Variants in CELF2 observed in about 807,000 individuals in gnomAD.
The protein encoded by CELF2 is CUGBP Elav-like family member 2, also known as CUG triplet repeat RNA-binding protein 2.
A neutral mutation model predicts 62.6 loss-of-function variants in CELF2; 8 were observed. The ratio of observed to expected loss-of-function variants is 0.13; its 90% CI spans 0.07 to 0.23. The LOEUF (loss-of-function observed/expected upper bound fraction) is 0.23, where lower values mean the gene tolerates loss of function less well. CELF2 is among the 10% of genes least tolerant of loss of function. The pLI is 1.00. For missense variants in CELF2, 333 were observed against 671.0 expected, an observed-to-expected ratio of 0.50 and a Z score of 5.56; for synonymous variants, 258 against 250.0, an observed-to-expected ratio of 1.03 and a Z score of -0.30.
chr10:10,551,345 G>A, the CELF2 span, among the ~76,000 whole-genome samples: 15 of 152,192 alleles, frequency 9.9e-5, no homozygotes, highest in South Asian at 2.3e-3. Flanking sequence ...GGTGTACCCC[G>A]GGGAGGAGAG....
At chr10:11,099,188 T>TA (rs1041430725) in intron 1 of CELF2, among the ~76,000 whole-genome samples, 4 of 152,224 alleles carry the variant, frequency 2.6e-5, no homozygotes, top group Non-Finnish European at 4.4e-5. Context: ...AATGTACTCT[T>TA]AGAATACCTA....
chr10:11,248,286 C>T (rs539974062), intron 3 of CELF2, among the ~76,000 whole-genome samples: 7 of 152,214 alleles, frequency 4.6e-5, no homozygotes, highest in African/African-American at 9.6e-5. Context: ...GACCAGGCAC[C>T]GGGTGTGATG....
chr10:11,205,098 C>T (rs1217229427), intron 2 of CELF2, among the ~76,000 whole-genome samples: 2 of 152,150 alleles, frequency 1.3e-5, no homozygotes, highest in African/African-American at 4.8e-5. Context: ...TTAGAGGTCA[C>T]GTAAATGGAT....
intron 2 of CELF2, among the ~76,000 whole-genome samples, chr10:10,996,335 C>T (rs1180322813): frequency 6.6e-6 from 1 of 152,190 alleles, no homozygotes; most frequent in Non-Finnish European, 1.5e-5. Context: ...AATAGCAGAG[C>T]ACTTATGATT....
chr10:10,699,465 T>C, the CELF2 span, among the ~76,000 whole-genome samples: 1 of 152,234 alleles, frequency 6.6e-6, no homozygotes, highest in South Asian at 2.1e-4. Flanking sequence ...TAGCAAATTA[T>C]TGCAAATTGT....
At chr10:11,054,414 A>G (rs1243538829) in intron 1 of CELF2, among the ~76,000 whole-genome samples, 1 of 152,124 alleles carries the variant, frequency 6.6e-6, no homozygotes, top group East Asian at 1.9e-4. Context: ...TTATTTTGGC[A>G]AGGATATTTT....
chr10:11,301,445 C>T (rs1424266321), intron 9 of CELF2, among the ~76,000 whole-genome samples: 1 of 71,696 alleles, frequency 1.4e-5, no homozygotes, highest in African/African-American at 5.8e-5. Context: ...CCCCCCGCCA[C>T]TCCCGCTCCC....
intron 2 of CELF2, among the ~76,000 whole-genome samples, chr10:11,197,001 G>GGAGAAAGA (rs1387577194): frequency 5.5e-5 from 1 of 18,326 alleles, no homozygotes; most frequent in East Asian, 2.6e-3. Flanking sequence ...AAGGAAGGAA[G>GGAGAAAGA]GAGAAAGAAA....
chr10:10,781,093 T>A, the CELF2 span, among the ~76,000 whole-genome samples: 1 of 152,182 alleles, frequency 6.6e-6, no homozygotes, highest in Admixed American at 6.5e-5. Context: ...AAAAAGGTAG[T>A]CTTCAGTGTC....
chr10:10,965,082 G>C (rs1303594390), intron 2 of CELF2, among the ~76,000 whole-genome samples: 2 of 152,080 alleles, frequency 1.3e-5, no homozygotes, highest in Non-Finnish European at 2.9e-5. Context: ...GGGAAAAGAG[G>C]CTTTCCCTCT....
In CELF2 at chr10:11,319,160, G is replaced by A. The variant is rs899868906; in HGVS notation, c.1097-2029G>A. On this transcript the variant is annotated intron_variant, in intron 10 of 12. Coordinates refer to ENST00000633077, the MANE Select transcript of CELF2 (RefSeq NM_001326342.2). The surrounding 1 kb of genome is among the most constrained non-coding windows in gnomAD (Gnocchi z 4.4). ...CCACACGGGCATCTGCATTTCCAGA[G>A]GACTGTGCCCAGAGTGCGATCATCT... 1.5e-5 allele frequency: 7 copies of A among 466,136 alleles called. No individual in the cohort carries two copies. Among genetic ancestry groups the A allele is most frequent in the African/African-American group, 1.4e-4 (7 of 49,834 alleles). 28.9% of individuals were successfully genotyped at this position (466,136 alleles called of 1,614,324 possible).
intron 4 of CELF2, among the ~76,000 whole-genome samples, chr10:11,253,025 C>T (rs1339040160): frequency 2.0e-5 from 3 of 152,048 alleles, no homozygotes; most frequent in Non-Finnish European, 4.4e-5. Flanking sequence ...CTGTGCCCAA[C>T]GAGGTACCAG....
At chr10:10,880,981 CA>C (rs1284543168) in intron 1 of CELF2, among the ~76,000 whole-genome samples, 1 of 152,122 alleles carries the variant, frequency 6.6e-6, no homozygotes, top group Non-Finnish European at 1.5e-5. Context: ...TAGTGTGTTC[CA>C]TTTTTCTCCA....
intron 3 of CELF2, among the ~76,000 whole-genome samples, chr10:11,225,481 A>G (rs1054108526): frequency 6.6e-6 from 1 of 152,214 alleles, no homozygotes; most frequent in African/African-American, 2.4e-5. Context: ...CTACACTGTG[A>G]CTTAACTTGG....
chr10:10,879,957 A>G (rs2061347707), intron 1 of CELF2, among the ~76,000 whole-genome samples: 1 of 152,214 alleles, frequency 6.6e-6, no homozygotes, highest in Admixed American at 6.5e-5. Context: ...GAGTAATCTG[A>G]CACAGGGTGA....
chr10:10,908,467 G>A (rs746061507), intron 1 of CELF2, among the ~76,000 whole-genome samples: 14 of 151,484 alleles, frequency 9.2e-5, no homozygotes, highest in African/African-American at 2.4e-4. Flanking sequence ...TGATCTGCCC[G>A]CCTCGGCCTC....
At chr10:11,144,989 C>G (rs7919542) in intron 1 of CELF2, among the ~76,000 whole-genome samples, 16,731 of 149,990 alleles carry the variant, frequency 0.11, 974 homozygotes, top group Middle Eastern at 0.2. Context: ...GTAAGACTTT[C>G]TTGTTTATTT....
At chr10:11,146,261 G>A (rs566773927) in intron 1 of CELF2, among the ~76,000 whole-genome samples, 17 of 152,296 alleles carry the variant, frequency 1.1e-4, no homozygotes, top group Admixed American at 1.0e-3. Flanking sequence ...CACCTTATTA[G>A]CAGTATTTTC....
Position 11,288,453 on chromosome 10 carries a change from C to A in CELF2, c.877C>A (p.Leu293Met). ...NALQLQNLAT[L>M]AAAAAAAQTS... ...TTTACAGTTGCAGAACCTGGCGACG[C>A]TGGCTGCTGCTGCAGCTGCGGCCCA... is the stretch of plus-strand genomic sequence containing the variant. Residue 293 changes from leucine (L) to methionine (M), a missense_variant, in exon 9 of 13, where the codon CTG becomes ATG. Physicochemically the swap from Leu to Met is conservative, Grantham distance 15. Coordinates refer to ENST00000633077, the MANE Select transcript of CELF2 (RefSeq NM_001326342.2). 2 of 1,613,980 alleles carry A rather than the reference C, an allele frequency of 1.2e-6. No homozygotes were observed. The highest frequency in any genetic ancestry group is 8.5e-7 in the Non-Finnish European group (1 of 1,180,044).
Sources: allele counts gnomAD v4.1 joint callset (sites outside exome capture counted in the v4.1 genomes callset), GRCh38; gene constraint gnomAD v4.1.1; non-coding constraint Gnocchi (gnomAD v3.1); transcripts MANE v1.5; gene names NCBI Gene and HGNC (gene_info 2026-07-23, HGNC 2026-07-21).